RIT2: variants seen among roughly 807,000 people sequenced by gnomAD.
The protein encoded by RIT2 is GTP-binding protein Rit2.
Under a neutral mutation model 23.7 loss-of-function variants are expected in RIT2, and 24 were observed. That is an observed-to-expected ratio of 1.01 (90% confidence interval 0.73 to 1.43). The LOEUF is 1.43. Among genes scored for constraint, RIT2 ranks in the 40% most tolerant of loss-of-function variants. The pLI, the probability that RIT2 is intolerant of heterozygous loss-of-function variation, is 0.00. For missense variants in RIT2, 236 were observed against 266.9 expected, an observed-to-expected ratio of 0.88 and a Z score of 0.81; for synonymous variants, 107 against 91.1, an observed-to-expected ratio of 1.17 and a Z score of -0.99.
intron 3 of RIT2, among the ~76,000 whole-genome samples, chr18:42,955,566 G>A (rs545194385): frequency 1.3e-5 from 2 of 152,306 alleles, no homozygotes; most frequent in South Asian, 4.1e-4. Context: ...ATGGGAAATA[G>A]CAAGTCAATG....
chr18:43,053,289 T>A (rs1912426741), intron 1 of RIT2, among the ~76,000 whole-genome samples: 1 of 152,002 alleles, frequency 6.6e-6, no homozygotes, highest in Admixed American at 6.6e-5. Context: ...ATAAGGAAAT[T>A]GAGGCACAGG....
chr18:42,932,419 T>C (rs1258017475), intron 3 of RIT2, among the ~76,000 whole-genome samples: 1 of 152,164 alleles, frequency 6.6e-6, no homozygotes, highest in East Asian at 1.9e-4. Context: ...GGTCCAGTGG[T>C]TACACACTTA....
chr18:42,916,210 G>A (rs888634686), intron 4 of RIT2, among the ~76,000 whole-genome samples: 2 of 152,060 alleles, frequency 1.3e-5, no homozygotes, highest in Non-Finnish European at 2.9e-5. Context: ...GAAGATCACA[G>A]GTGGTACTGT....
chr18:43,051,985 T>C (rs1912394418), intron 1 of RIT2, among the ~76,000 whole-genome samples: 2 of 152,220 alleles, frequency 1.3e-5, no homozygotes, highest in East Asian at 3.9e-4. Context: ...ACATATCCTG[T>C]ATGACACAGA....
At chr18:42,840,447 G>T (rs1459904859) in intron 4 of RIT2, among the ~76,000 whole-genome samples, 6 of 152,154 alleles carry the variant, frequency 3.9e-5, no homozygotes, top group Admixed American at 3.9e-4. Context: ...TTACTGTATG[G>T]CAATAGTTAG....
At chr18:43,027,444 A>G (rs1213267998) in intron 2 of RIT2, among the ~76,000 whole-genome samples, 2 of 152,080 alleles carry the variant, frequency 1.3e-5, no homozygotes, top group South Asian at 2.1e-4. Flanking sequence ...GATGGAATCT[A>G]CTGAATGGAA....
chr18:43,099,652 C>A (rs1006565089), intron 1 of RIT2, among the ~76,000 whole-genome samples: 3 of 152,064 alleles, frequency 2.0e-5, no homozygotes, highest in Non-Finnish European at 4.4e-5. Flanking sequence ...ATCATAAACA[C>A]ATGTGTATTT....
chr18:42,780,889 T>C (rs1913796285), intron 4 of RIT2, among the ~76,000 whole-genome samples: 1 of 151,998 alleles, frequency 6.6e-6, no homozygotes, highest in South Asian at 2.1e-4. Context: ...GCTTAGAATT[T>C]TATTTTTGGT....
chr18:42,867,655 G>A (rs1191721918), intron 4 of RIT2, among the ~76,000 whole-genome samples: 1 of 151,814 alleles, frequency 6.6e-6, no homozygotes, highest in Non-Finnish European at 1.5e-5. Context: ...ATAGCCGAGT[G>A]TGGTGGCACA....
At chr18:42,785,840 A>C (rs1004136145) in intron 4 of RIT2, among the ~76,000 whole-genome samples, 2 of 152,144 alleles carry the variant, frequency 1.3e-5, no homozygotes, top group African/African-American at 4.8e-5. Flanking sequence ...GACCACACTC[A>C]TCAGAGAATA....
At chr18:43,022,446 G>A (rs8097006) in intron 2 of RIT2, among the ~76,000 whole-genome samples, 7,704 of 152,154 alleles carry the variant, frequency 0.051, 646 homozygotes, top group African/African-American at 0.17. Context: ...TAGCTAGAAT[G>A]TAGGACTTGA....
chr18:42,993,122 A>G (rs928515851), intron 2 of RIT2, among the ~76,000 whole-genome samples: 23 of 152,218 alleles, frequency 1.5e-4, no homozygotes, highest in Admixed American at 1.4e-3. Flanking sequence ...GTGTTCCTCC[A>G]GAACCTCCTC....
chr18:42,790,101 TTTTG>T (rs1914008874), intron 4 of RIT2, among the ~76,000 whole-genome samples: 1 of 152,248 alleles, frequency 6.6e-6, no homozygotes, highest in Admixed American at 6.5e-5. Context: ...TTGTCCTTAA[TTTTG>T]TTTATGTGAT....
intron 4 of RIT2, among the ~76,000 whole-genome samples, chr18:42,857,034 T>C (rs1277346923): frequency 2.0e-5 from 3 of 152,092 alleles, no homozygotes; most frequent in Non-Finnish European, 4.4e-5. Flanking sequence ...TTCACCATGT[T>C]AGCCAGGATG....
intron 4 of RIT2, among the ~76,000 whole-genome samples, chr18:42,746,282 T>A (rs1315428021): frequency 6.6e-6 from 1 of 152,044 alleles, no homozygotes; most frequent in African/African-American, 2.4e-5. Context: ...CACAGAATTT[T>A]AAAAGAATAA....
At chr18:42,781,696 A>AT (rs1913815445) in intron 4 of RIT2, among the ~76,000 whole-genome samples, 1 of 152,140 alleles carries the variant, frequency 6.6e-6, no homozygotes, top group Non-Finnish European at 1.5e-5. Context: ...CTATTTGGGG[A>AT]TTTTTGTTCT....
intron 2 of RIT2, among the ~76,000 whole-genome samples, chr18:43,030,150 TA>T (rs1213912366): frequency 6.6e-6 from 1 of 152,096 alleles, no homozygotes; most frequent in African/African-American, 2.4e-5. Context: ...GATAATTATC[TA>T]AACAATTATT....
chr18:42,957,983 A>C (rs973076221), intron 3 of RIT2, among the ~76,000 whole-genome samples: 139 of 152,196 alleles, frequency 9.1e-4, no homozygotes, highest in African/African-American at 3.2e-3. Context: ...ATTGATCATT[A>C]AGATTTTGAG....
At position 43,010,276 on chromosome 18, in the gene RIT2, T is replaced by C. The variant is rs185370502; in HGVS notation, c.160+23535A>G. Among the ~76,000 whole-genome samples, 358 of 151,918 alleles carry C rather than the reference T, an allele frequency of 2.4e-3. 5 individuals are homozygous for C. The South Asian group carries it at 0.039, about 16-fold the overall frequency. On this transcript the variant is annotated intron_variant, in intron 2 of 4. Coordinates refer to ENST00000326695, the MANE Select transcript of RIT2 (RefSeq NM_002930.4). ...CTTGAATTAGGCTGCAGTCCTCTAA[T>C]AGAAAGGAATTAATGTAAAAATGGC...
Sources: allele counts gnomAD v4.1 joint callset (sites outside exome capture counted in the v4.1 genomes callset), GRCh38; gene constraint gnomAD v4.1.1; transcripts MANE v1.5; gene names NCBI Gene and HGNC (gene_info 2026-07-23, HGNC 2026-07-21).